Variants in CDH13 observed in about 807,000 individuals in gnomAD.
CDH13 encodes cadherin-13.
In CDH13, 24 loss-of-function variants were observed where a neutral mutation model predicts 63.8. The observed-to-expected ratio is 0.38, with a 90% confidence interval of 0.27 to 0.53. CDH13 has a LOEUF of 0.53. Among genes scored for constraint, CDH13 ranks in the 20% least tolerant of loss-of-function variants. The pLI is 0.85. For synonymous variants in CDH13, 503 were observed against 355.3 expected, an observed-to-expected ratio of 1.42 and a Z score of -4.67; for missense variants, 1,049 against 903.1, an observed-to-expected ratio of 1.16 and a Z score of -2.07.
intron 10 of CDH13, among the ~76,000 whole-genome samples, chr16:83,679,433 C>G (rs1175574358): frequency 6.6e-6 from 1 of 152,136 alleles, no homozygotes; most frequent in Admixed American, 6.6e-5. Context: ...TTTGAAACAC[C>G]TGAAAATGTG....
intron 8 of CDH13, among the ~76,000 whole-genome samples, chr16:83,632,611 A>T (rs1910886569): frequency 6.6e-6 from 1 of 150,928 alleles, no homozygotes. Flanking sequence ...ACATTTTGTC[A>T]CCATTGATGC....
At chr16:83,629,553 T>C (rs959689988) in intron 8 of CDH13, among the ~76,000 whole-genome samples, 1 of 152,224 alleles carries the variant, frequency 6.6e-6, no homozygotes, top group Non-Finnish European at 1.5e-5. Context: ...GTACAATTTA[T>C]TTCTGCCAAG....
At position 82,747,835 on chromosome 16, in the gene CDH13, T is replaced by C. The variant is rs552755774; in HGVS notation, c.46-110527T>C. Among the ~76,000 whole-genome samples, 153 of 152,322 alleles carry C rather than the reference T, an allele frequency of 1.0e-3. 1 individual carries two copies. The highest frequency in any genetic ancestry group is 1.8e-3 in the Non-Finnish European group (120 of 68,020). ...TAGTATTCCAGAGGCAAAATTGTAATTGGCCTTTTCACTTGCATTTTCCCC... is the reference window on the plus strand; with the variant it reads ...TAGTATTCCAGAGGCAAAATTGTAACTGGCCTTTTCACTTGCATTTTCCCC... On this transcript the variant is annotated intron_variant, in intron 1 of 13. Coordinates refer to ENST00000567109, the MANE Select transcript of CDH13 (RefSeq NM_001257.5).
rs72791460 is a variant in CDH13 at position 83,518,777 on chromosome 16, A to G, written c.960+32122A>G. 7.4e-3 allele frequency among the ~76,000 whole-genome samples: 1,125 copies of G among 151,832 alleles called. 4 individuals carry two copies. The highest frequency in any genetic ancestry group is 0.012 in the Non-Finnish European group (821 of 67,860). Reference sequence around the variant, plus strand: ...TGAGCCACCGAGCCCGGCCGATGTGATGGTTTTATAAAGGGCTTTTCCCTG... The same window carrying G: ...TGAGCCACCGAGCCCGGCCGATGTGGTGGTTTTATAAAGGGCTTTTCCCTG... On this transcript the variant is annotated intron_variant, in intron 7 of 13. Coordinates refer to ENST00000567109, the MANE Select transcript of CDH13 (RefSeq NM_001257.5).
At chr16:83,344,840 C>G (rs755314896) in intron 5 of CDH13, 22 bp from the exon 6 acceptor site, 2 of 1,612,256 alleles carry the variant, frequency 1.2e-6, no homozygotes, top group South Asian at 1.1e-5. Flanking sequence ...TTCTTTCTCC[C>G]CCAATCTCTT....
intron 7 of CDH13, among the ~76,000 whole-genome samples, chr16:83,504,371 G>C (rs1567718971): frequency 6.6e-6 from 1 of 152,166 alleles, no homozygotes; most frequent in Non-Finnish European, 1.5e-5. Context: ...GAAGCATTTT[G>C]GAGGTATTTC....
At chr16:82,917,098 G>A (rs940937104) in intron 2 of CDH13, among the ~76,000 whole-genome samples, 1 of 152,144 alleles carries the variant, frequency 6.6e-6, no homozygotes, top group Non-Finnish European at 1.5e-5. Flanking sequence ...TATGGGGAGT[G>A]GGTCAGTGAG....
At chr16:83,738,961 G>C (rs1470010148) in intron 10 of CDH13, among the ~76,000 whole-genome samples, 1 of 152,160 alleles carries the variant, frequency 6.6e-6, no homozygotes, top group East Asian at 1.9e-4. Context: ...CTAAAGATAA[G>C]TAGAATTTGT....
intron 6 of CDH13, among the ~76,000 whole-genome samples, chr16:83,357,033 A>G (rs1318415867): frequency 6.6e-6 from 1 of 152,104 alleles, no homozygotes; most frequent in Non-Finnish European, 1.5e-5. Context: ...AGTTTATAAA[A>G]GGCTTCTAAC....
At chr16:82,798,759 G>C (rs2036707756) in intron 1 of CDH13, among the ~76,000 whole-genome samples, 1 of 152,122 alleles carries the variant, frequency 6.6e-6, no homozygotes, top group South Asian at 2.1e-4. Context: ...GGTAGAGCTG[G>C]GGGTTGGTGT....
rs115812548 is a variant in CDH13, at chr16:83,096,839, C to A, written c.367-28546C>A. Among the ~76,000 whole-genome samples, 556 of 152,194 alleles carry A rather than the reference C, an allele frequency of 3.7e-3. 6 individuals are homozygous for A. The highest frequency in any genetic ancestry group is 0.013 in the African/African-American group (526 of 41,536). ...ACTTAAAAATGATGATTTTTTTATA[C>A]CTGGAGTTTAACATCTGAGTTTTTG... On this transcript the variant is annotated intron_variant, in intron 3 of 13. Coordinates refer to ENST00000567109, the MANE Select transcript of CDH13 (RefSeq NM_001257.5).
At chr16:83,631,025 A>C (rs1207404256) in intron 8 of CDH13, among the ~76,000 whole-genome samples, 1 of 152,190 alleles carries the variant, frequency 6.6e-6, no homozygotes, top group Non-Finnish European at 1.5e-5. Flanking sequence ...TGAAGATGGC[A>C]TCCCGGAGAT....
At chr16:82,942,480 G>A (rs763137857) in intron 2 of CDH13, among the ~76,000 whole-genome samples, 13 of 152,246 alleles carry the variant, frequency 8.5e-5, no homozygotes, top group East Asian at 1.9e-4. Context: ...TATAACACAC[G>A]CCAGAGGATT....
rs982230089 is a variant in CDH13, at chr16:82,724,354, T to C, written c.45+97217T>C. Among the ~76,000 whole-genome samples, 6 of 152,306 alleles carry C rather than the reference T, an allele frequency of 3.9e-5. No homozygotes were observed. The East Asian group carries it at 1.2e-3, about 29-fold the overall frequency. On this transcript the variant is annotated intron_variant, in intron 1 of 13. Transcript: ENST00000567109. ...TTAATAATAGTTGTCTTTTGTCAAA[T>C]GCTCATTTGCCAGGTGCCATGCTAT...
At chr16:83,363,493 G>A (rs531513009) in intron 6 of CDH13, among the ~76,000 whole-genome samples, 1 of 152,288 alleles carries the variant, frequency 6.6e-6, no homozygotes, top group African/African-American at 2.4e-5. Context: ...ACTAAATGAA[G>A]AAGAAACCAG....
chr16:83,735,000 C>CAA lies in CDH13; in HGVS notation c.1539-13096_1539-13095dup, dbSNP rs34189850. On this transcript the variant is annotated intron_variant, in intron 10 of 13. Transcript: ENST00000567109. ...GGAAGGAACAATTTCTGTGGTTATT[C>CAA]AAAAAAAAAAAAACATAAGCGTCAG... Among the ~76,000 whole-genome samples the CAA allele has an allele frequency of 8.2e-3, 1,169 of 143,338 alleles. 13 individuals carry two copies. The highest frequency in any genetic ancestry group is 0.011 in the Non-Finnish European group (726 of 65,902). The allele number at this position is 143,338 out of a possible 152,430, so 94.0% of individuals were successfully genotyped here.
chr16:83,414,551 C>T (rs937842361), intron 6 of CDH13, among the ~76,000 whole-genome samples: 3 of 152,012 alleles, frequency 2.0e-5, no homozygotes, highest in Non-Finnish European at 1.5e-5. Flanking sequence ...AACTTTATGC[C>T]TGTTGATTAG....
At chr16:82,987,388 A>G (rs1436468495) in intron 2 of CDH13, among the ~76,000 whole-genome samples, 1 of 147,828 alleles carries the variant, frequency 6.8e-6, no homozygotes, top group East Asian at 2.0e-4. Flanking sequence ...TTTGTTTTTG[A>G]GACTTTGAGA....
rs554955331 is a variant in CDH13, at chr16:82,961,943, A to G, written c.158-70067A>G. On this transcript the variant is annotated intron_variant, in intron 2 of 13. Coordinates refer to ENST00000567109, the MANE Select transcript of CDH13 (RefSeq NM_001257.5). ...GAATTATCTGGCCCCAAACATCGAT[A>G]GTGCCAAGGTGGAGAAACCCTAGGC... Among the ~76,000 whole-genome samples the G allele has an allele frequency of 3.1e-3, 469 of 152,322 alleles. 2 individuals carry two copies. The highest frequency in any genetic ancestry group is 3.6e-3 in the Non-Finnish European group (247 of 68,030).
Sources: allele counts gnomAD v4.1 joint callset (sites outside exome capture counted in the v4.1 genomes callset), GRCh38; gene constraint gnomAD v4.1.1; transcripts MANE v1.5; gene names NCBI Gene and HGNC (gene_info 2026-07-23, HGNC 2026-07-21).